Variants in TVP23B observed in about 807,000 individuals in gnomAD.
TVP23B encodes trans-golgi network vesicle protein 23 homolog B, also known as Golgi apparatus membrane protein TVP23 homolog B.
In TVP23B, 10 loss-of-function variants were observed where a neutral mutation model predicts 30.6. The ratio of observed to expected loss-of-function variants is 0.33; its 90% CI spans 0.20 to 0.55. The LOEUF (loss-of-function observed/expected upper bound fraction) is 0.55. TVP23B is among the 20% of genes least tolerant of loss of function. The probability of loss-of-function intolerance (pLI) is 0.91; values close to 1 mark genes in which losing one functional copy is unlikely to be tolerated. For synonymous variants in TVP23B, 67 were observed against 83.1 expected, an observed-to-expected ratio of 0.81 and a Z score of 1.06; for missense variants, 153 against 243.2, an observed-to-expected ratio of 0.63 and a Z score of 2.47.
rs1482987064 is a variant in TVP23B at position 18,804,619 on chromosome 17, T to C, written c.591+353T>C. On this transcript the variant is annotated intron_variant, in intron 6 of 6. Transcript: ENST00000307767. The stretch of plus-strand genomic sequence containing the variant: ...TTTTTTTTTTTTTGAGACAGAGTTT[T>C]GCTCTGTCGCCCAGGCTGGAGTGCA... 6,713 of 1,138,176 alleles carry C rather than the reference T, an allele frequency of 5.9e-3. 21 individuals carry two copies. The highest frequency in any genetic ancestry group is 6.7e-3 in the Non-Finnish European group (6,194 of 922,810). 70.5% of individuals were successfully genotyped at this position (1,138,176 alleles called of 1,614,324 possible).
intron 3 of TVP23B, among the ~76,000 whole-genome samples, 162 bp downstream of exon 3, chr17:18,791,202 T>C (rs564515928): frequency 6.8e-6 from 1 of 146,672 alleles, no homozygotes; most frequent in Non-Finnish European, 1.5e-5. Context: ...TTTTTTTTTT[T>C]TTTTTTTTTT....
intron 1 of TVP23B, among the ~76,000 whole-genome samples, chr17:18,786,088 C>G (rs1378363744): frequency 6.6e-6 from 1 of 152,214 alleles, no homozygotes; most frequent in Non-Finnish European, 1.5e-5. Flanking sequence ...AAATCTCTGT[C>G]TCTCATCTCT....
Position 18,805,530 on chromosome 17 carries a change from G to A in TVP23B, c.592-11G>A, listed in dbSNP as rs73981366. 5.2e-4 allele frequency: 716 copies of A among 1,381,178 alleles called. No individual in the cohort carries two copies. Among genetic ancestry groups the A allele is most frequent in the Non-Finnish European group, 6.6e-4 (685 of 1,030,952 alleles). 85.6% of individuals were successfully genotyped at this position (1,381,178 alleles called of 1,614,324 possible). A position where few individuals can be genotyped will look rare whatever the true frequency, so the allele number is the denominator to read the frequency against. On this transcript the variant is annotated splice_polypyrimidine_tract_variant and intron_variant, in intron 6 of 6. Transcript: ENST00000307767. ...TGATGTTAAGGAGTTTTTTTTTTTT[G>A]TCTTTTGCAGAACACTGGAGATGAT...
chr17:18,793,943 A>G (rs2151847825), intron 3 of TVP23B, among the ~76,000 whole-genome samples: 1 of 152,254 alleles, frequency 6.6e-6, no homozygotes, highest in East Asian at 1.9e-4. Context: ...AAACAAAAAG[A>G]AACTTGGCAT....
chr17:18,783,075 C>CTATTTATTTATTTATTTATTTATTTATT, intron 1 of TVP23B, among the ~76,000 whole-genome samples: 1 of 77,340 alleles, frequency 1.3e-5, no homozygotes, highest in Non-Finnish European at 3.1e-5. Context: ...ACTGTTCCCA[C>CTATTTATTTATTTATTTATTTATTTATT]TATTTATTTA....
intron 3 of TVP23B, among the ~76,000 whole-genome samples, chr17:18,791,560 G>A (rs1290254793): frequency 6.6e-6 from 1 of 152,102 alleles, no homozygotes; most frequent in African/African-American, 2.4e-5. Context: ...GTCCAAAAAT[G>A]TTTTTGGTTG....
intron 5 of TVP23B, among the ~76,000 whole-genome samples, chr17:18,800,239 C>T (rs1009080156): frequency 1.3e-4 from 20 of 151,940 alleles, no homozygotes; most frequent in Non-Finnish European, 2.1e-4. Flanking sequence ...AATAAACACT[C>T]ATATTCCTTC....
At chr17:18,793,949 G>A (rs1397338370) in intron 3 of TVP23B, among the ~76,000 whole-genome samples, 1 of 151,950 alleles carries the variant, frequency 6.6e-6, no homozygotes, top group Admixed American at 6.6e-5. Context: ...AAAGAAACTT[G>A]GCATTGTATT....
chr17:18,796,856 A>T (rs528610794), intron 3 of TVP23B: 1 of 152,380 alleles, frequency 6.6e-6, no homozygotes, highest in East Asian at 1.9e-4. Flanking sequence ...TTTATATTTC[A>T]TTCCAAATGT....
intron 3 of TVP23B, among the ~76,000 whole-genome samples, chr17:18,791,684 C>G (rs1316346505): frequency 2.6e-5 from 4 of 151,780 alleles, no homozygotes; most frequent in Non-Finnish European, 4.4e-5. Flanking sequence ...AACTACCTGA[C>G]CCAAAATGTC....
At chr17:18,792,956 CT>C (rs2036019214) in intron 3 of TVP23B, among the ~76,000 whole-genome samples, 1 of 152,138 alleles carries the variant, frequency 6.6e-6, no homozygotes, top group Non-Finnish European at 1.5e-5. Context: ...GGTGTCCAAT[CT>C]TTTGGTTTCC....
chr17:18,783,343 T>A (rs1303006609), intron 1 of TVP23B, among the ~76,000 whole-genome samples: 1 of 152,112 alleles, frequency 6.6e-6, no homozygotes, highest in Non-Finnish European at 1.5e-5. Context: ...TGACCTCAGG[T>A]GATCCACCCG....
At position 18,804,214 on chromosome 17, in the gene TVP23B, A is replaced by G; in HGVS notation, c.539A>G (p.Lys180Arg). 1.2e-6 allele frequency: 2 copies of G among 1,610,590 alleles called. No individual in the cohort carries two copies. Among genetic ancestry groups the G allele is most frequent in the Non-Finnish European group, 1.7e-6 (2 of 1,179,032 alleles). Residue 180 changes from lysine (K) to arginine (R), a missense_variant, in exon 6 of 7, where the codon AAG (lysine) becomes AGG (arginine). Transcript: ENST00000307767. ...ATCAGGTGTAAGGTGCGCAGCAGAA[A>G]GCATTTAACCAGCATGGCTACTTCA... ...GYIRCKVRSR[K>R]HLTSMATSYF... is the part of the protein sequence containing the mutation.
At chr17:18,798,336 C>T (rs1450712358) in intron 4 of TVP23B, among the ~76,000 whole-genome samples, 1 of 151,880 alleles carries the variant, frequency 6.6e-6, no homozygotes, top group Admixed American at 6.6e-5. Flanking sequence ...TTGGAAACAA[C>T]TTACCACCCT....
chr17:18,803,701 C>G (rs2036203436), intron 5 of TVP23B, among the ~76,000 whole-genome samples: 1 of 152,234 alleles, frequency 6.6e-6, no homozygotes, highest in South Asian at 2.1e-4. Context: ...GAGATTCACC[C>G]CTACCTGCTC....
chr17:18,795,390 G>C (rs911042989), intron 3 of TVP23B, among the ~76,000 whole-genome samples: 12 of 151,842 alleles, frequency 7.9e-5, no homozygotes, highest in South Asian at 6.2e-4. Context: ...TTTTTTACTT[G>C]AGCAAACCAG....
At chr17:18,798,351 A>G (rs1437794672) in intron 4 of TVP23B, among the ~76,000 whole-genome samples, 2 of 151,726 alleles carry the variant, frequency 1.3e-5, no homozygotes, top group Non-Finnish European at 2.9e-5. Context: ...CACCCTTGTA[A>G]CTTCCTGGGT....
chr17:18,802,029 T>C (rs1364110774), intron 5 of TVP23B, among the ~76,000 whole-genome samples: 3 of 152,066 alleles, frequency 2.0e-5, no homozygotes, highest in Admixed American at 6.5e-5. Context: ...GAGACCATCC[T>C]GGCTAACATG....
At chr17:18,782,785 C>T (rs796447021) in intron 1 of TVP23B, among the ~76,000 whole-genome samples, 53 of 151,580 alleles carry the variant, frequency 3.5e-4, no homozygotes, top group African/African-American at 9.2e-4. Context: ...GTAGTGAGGA[C>T]GACCAGTGGT....
Sources: gnomAD v4.1 joint callset for allele counts (sites outside exome capture counted in the v4.1 genomes callset) on GRCh38, gnomAD v4.1.1 for gene constraint, MANE v1.5 for transcripts, NCBI Gene and HGNC (gene_info 2026-07-23, HGNC 2026-07-21) for gene names.